The following RGL3 variants were observed in gnomAD, a reference collection of about 807,000 sequenced individuals.
The protein encoded by RGL3 is ral guanine nucleotide dissociation stimulator-like 3.
RGL3 carries 85 observed loss-of-function variants against 90.6 expected under a neutral mutation model. The observed-to-expected ratio is 0.94, with a 90% CI of 0.79 to 1.12. The LOEUF (loss-of-function observed/expected upper bound fraction) is 1.12, where lower values mean the gene tolerates loss of function less well. Among genes scored for constraint, RGL3 ranks in the 50% most tolerant of loss-of-function variants. The probability of loss-of-function intolerance (pLI) is 0.00; values close to 1 mark genes in which losing one functional copy is unlikely to be tolerated. For synonymous variants in RGL3, 408 were observed against 385.5 expected (o/e 1.06, Z -0.68); for missense variants, 1,034 against 939.2 (o/e 1.10, Z -1.32).
At chr19:11,396,100 ATCTCTCTC>A (rs66711304) in intron 18 of RGL3, among the ~76,000 whole-genome samples, 520 of 33,894 alleles carry the variant, frequency 0.015, 14 homozygotes, top group Middle Eastern at 0.071. Context: ...TGCTCAGCTA[ATCTCTCTC>A]TCTCTCTCTC....
chr19:11,407,726 G>A (rs1212806799), intron 5 of RGL3, among the ~76,000 whole-genome samples: 4 of 147,108 alleles, frequency 2.7e-5, no homozygotes, highest in East Asian at 2.0e-4. Context: ...TGACTCTGTC[G>A]CCCAGGCTGG....
At position 11,418,712 on chromosome 19, in the gene RGL3, T is replaced by G; in HGVS notation, c.106A>C (p.Ser36Arg). 1 of 1,574,424 alleles carries G rather than the reference T, an allele frequency of 6.4e-7. No individual in the cohort carries two copies. The highest frequency in any genetic ancestry group is 8.6e-7 in the Non-Finnish European group (1 of 1,165,332). ...VYSVSLRRQRSQRRSPAEGPG... is the reference protein window; with the variant it reads ...VYSVSLRRQRRQRRSPAEGPG... ...CCCTCCGCCGGGCTCCTGCGCTGAC[T>G]GCGCTGCCGCCGCAGGGAGACACTG... The change falls in exon 2 of 19, where the codon AGT (serine) becomes CGT (arginine). Residue 36 changes from serine (S) to arginine (R), a missense_variant. Ser to Arg is a moderately radical substitution (Grantham distance 110). Transcript: ENST00000380456.
At chr19:11,398,960 T>C (rs1968624189) in intron 16 of RGL3, among the ~76,000 whole-genome samples, 1 of 152,086 alleles carries the variant, frequency 6.6e-6, no homozygotes, top group South Asian at 2.1e-4. Context: ...TGAGCCACCG[T>C]GCCCAGTCTC....
chr19:11,400,440 G>T, intron 13 of RGL3, 143 bp from the exon 14 acceptor site: 1 of 590,128 alleles, frequency 1.7e-6, no homozygotes, highest in Non-Finnish European at 2.8e-6. Flanking sequence ...GGGTCAGGGT[G>T]GTAAATGAGG....
At chr19:11,417,155 T>G (rs578130116) in intron 2 of RGL3, 96 bp from the exon 3 acceptor site, 107 of 988,524 alleles carry the variant, frequency 1.1e-4, no homozygotes, top group Admixed American at 6.1e-4. Flanking sequence ...TCTTTTTTTT[T>G]TTGTTTTTTT....
intron 5 of RGL3, among the ~76,000 whole-genome samples, chr19:11,409,338 A>G (rs1298058696): frequency 5.9e-5 from 9 of 152,012 alleles, no homozygotes; most frequent in African/African-American, 7.2e-5. Context: ...AAAATTAGCC[A>G]GGCGTGGTGG....
intron 1 of RGL3, 98 bp downstream of exon 1, chr19:11,419,148 A>G: frequency 3.0e-6 from 4 of 1,340,942 alleles, no homozygotes; most frequent in East Asian, 2.6e-5. Flanking sequence ...GGGCAAGTTC[A>G]GATTGGGAGC....
intron 5 of RGL3, 166 bp from the exon 6 acceptor site, chr19:11,407,030 A>T (rs555254779): frequency 1.6e-6 from 1 of 630,354 alleles, no homozygotes; most frequent in African/African-American, 1.9e-5. Context: ...CTGTTGCCCA[A>T]GCTGGAGTAC....
At chr19:11,402,740 G>A in intron 9 of RGL3, 34 bp from the exon 10 acceptor site, 1 of 1,591,136 alleles carries the variant, frequency 6.3e-7, no homozygotes, top group Non-Finnish European at 8.6e-7. Context: ...CAGGTCTGGG[G>A]TCTCCTTGGA....
chr19:11,417,641 T>C (rs1412136989), intron 2 of RGL3, among the ~76,000 whole-genome samples: 3 of 151,880 alleles, frequency 2.0e-5, no homozygotes, highest in Non-Finnish European at 4.4e-5. Context: ...AGCTAGTTTT[T>C]TCGTATTTTT....
At chr19:11,419,198 C>T (rs777886923) in intron 1 of RGL3, 48 bp downstream of exon 1, 1 of 1,579,076 alleles carries the variant, frequency 6.3e-7, no homozygotes, top group Non-Finnish European at 8.6e-7. Context: ...GTTTCTGGAC[C>T]TGCGGGTCAC....
intron 16 of RGL3, 62 bp downstream of exon 16, chr19:11,399,781 ATGCACACACACG>A: frequency 1.2e-6 from 1 of 823,784 alleles, no homozygotes. Context: ...ACACATGTGC[ATGCACACACACG>A]TGCACACACA....
chr19:11,398,651 T>G (rs1170707908), intron 16 of RGL3, among the ~76,000 whole-genome samples: 1 of 150,854 alleles, frequency 6.6e-6, no homozygotes, highest in East Asian at 2.0e-4. Flanking sequence ...CAGCCTTCAT[T>G]TCCTTCATTT....
chr19:11,403,074 A>C (rs1236734750), intron 9 of RGL3, among the ~76,000 whole-genome samples: 1 of 150,804 alleles, frequency 6.6e-6, no homozygotes, highest in Non-Finnish European at 1.5e-5. Context: ...TCGCTCTGTC[A>C]CCCAGGCTGG....
At chr19:11,403,352 G>C (rs1968714560) in intron 9 of RGL3, among the ~76,000 whole-genome samples, 1 of 140,790 alleles carries the variant, frequency 7.1e-6, no homozygotes, top group African/African-American at 2.6e-5. Flanking sequence ...TTTTTTTTAA[G>C]AAAGGGCTGG....
intron 18 of RGL3, among the ~76,000 whole-genome samples, chr19:11,396,732 T>G (rs970545163): frequency 6.7e-6 from 1 of 149,538 alleles, no homozygotes; most frequent in African/African-American, 2.5e-5. Context: ...TGGTATGATC[T>G]CGGCTCACTG....
chr19:11,412,308 G>C (rs1310696561), intron 5 of RGL3, among the ~76,000 whole-genome samples: 2 of 150,250 alleles, frequency 1.3e-5, no homozygotes, highest in Non-Finnish European at 1.5e-5. Context: ...AAGTAAGCCT[G>C]TTGTCAGACA....
intron 18 of RGL3, among the ~76,000 whole-genome samples, chr19:11,395,033 C>T (rs1313719520): frequency 2.7e-5 from 4 of 150,338 alleles, no homozygotes; most frequent in Non-Finnish European, 4.4e-5. Context: ...GTGGATGTTG[C>T]GGTGAGCCGA....
intron 2 of RGL3, 96 bp from the exon 3 acceptor site, chr19:11,417,155 T>TG: frequency 1.0e-6 from 1 of 988,526 alleles, no homozygotes; most frequent in Non-Finnish European, 1.5e-6. Flanking sequence ...TCTTTTTTTT[T>TG]TTGTTTTTTT....
Sources: gnomAD v4.1 joint callset for allele counts (sites outside exome capture counted in the v4.1 genomes callset) on GRCh38, gnomAD v4.1.1 for gene constraint, MANE v1.5 for transcripts, NCBI Gene and HGNC (gene_info 2026-07-23, HGNC 2026-07-21) for gene names.